LRP1B: variants seen among roughly 807,000 people sequenced by gnomAD.
LRP1B encodes low-density lipoprotein receptor-related protein 1B.
In LRP1B, 217 loss-of-function variants were observed where a neutral mutation model predicts 556.6. The observed-to-expected ratio is 0.39, with a 90% CI of 0.35 to 0.44. The LOEUF (loss-of-function observed/expected upper bound fraction) is 0.44, where lower values mean the gene tolerates loss of function less well. Ranked by LOEUF, LRP1B falls within the 20% of genes least tolerant of loss-of-function variation. LRP1B has a pLI of 1.00. For missense variants in LRP1B, 5,053 were observed against 5,620.8 expected (o/e 0.90, Z 3.23); for synonymous variants, 2,047 against 1,865.8 (o/e 1.10, Z -2.50).
chr2:141,131,407 TTATATATATA>T (rs67661603), intron 7 of LRP1B, among the ~76,000 whole-genome samples: 3 of 110,696 alleles, frequency 2.7e-5, no homozygotes, highest in African/African-American at 1.2e-4. Flanking sequence ...ATGCATAAAG[TTATATATATA>T]TATATATATA....
chr2:141,564,942 T>A (rs1303496794), intron 2 of LRP1B, among the ~76,000 whole-genome samples: 2 of 152,020 alleles, frequency 1.3e-5, no homozygotes, highest in Non-Finnish European at 2.9e-5. Flanking sequence ...ACATTAATAA[T>A]GAATAAAAGA....
intron 51 of LRP1B, among the ~76,000 whole-genome samples, chr2:140,510,605 G>T: frequency 6.6e-6 from 1 of 152,092 alleles, no homozygotes; most frequent in East Asian, 1.9e-4. Flanking sequence ...GAGTCCTCTG[G>T]ATCCTAAGCA....
intron 41 of LRP1B, chr2:140,683,712 G>C: frequency 1.4e-6 from 1 of 739,494 alleles, no homozygotes; most frequent in Non-Finnish European, 2.4e-6. Flanking sequence ...TGTCATTAGA[G>C]ACACTCTGTG....
chr2:140,514,919 A>C (rs1689825294), intron 50 of LRP1B, 147 bp from the exon 51 acceptor site: 1 of 807,510 alleles, frequency 1.2e-6, no homozygotes, highest in African/African-American at 1.7e-5. Flanking sequence ...TGACAATTCT[A>C]TAAAATTTTG....
rs547338929 is a variant in LRP1B at position 141,570,837 on chromosome 2, T to G, written c.206-90304A>C. Among the ~76,000 whole-genome samples, 5 of 151,222 alleles carry G rather than the reference T, an allele frequency of 3.3e-5. No homozygotes were observed. In the East Asian group the frequency reaches 9.8e-4, roughly 29 times the overall value. On this transcript the variant is annotated intron_variant, in intron 2 of 90. Coordinates refer to ENST00000389484, the MANE Select transcript of LRP1B (RefSeq NM_018557.3). ...CTGACCCGGACCCATCCTTCCTCAC[T>G]GGGCGGGGCTTCTCTGCAGGAACTC...
At chr2:141,622,124 C>T (rs1489776936) in intron 2 of LRP1B, among the ~76,000 whole-genome samples, 1 of 152,130 alleles carries the variant, frequency 6.6e-6, no homozygotes, top group Non-Finnish European at 1.5e-5. Context: ...CTCCCGACCG[C>T]AGGTGATCTG....
chr2:140,644,683 G>T (rs1004685624), intron 41 of LRP1B, among the ~76,000 whole-genome samples: 8 of 152,034 alleles, frequency 5.3e-5, no homozygotes, highest in Admixed American at 1.3e-4. Flanking sequence ...AAAAAGCTGG[G>T]ATTACAGGTA....
chr2:140,983,699 C>T (rs1444112477), intron 17 of LRP1B, among the ~76,000 whole-genome samples: 1 of 151,994 alleles, frequency 6.6e-6, no homozygotes, highest in Non-Finnish European at 1.5e-5. Flanking sequence ...TGGTTTGATA[C>T]ATTAGATTGT....
chr2:141,914,649 G>A (rs1699985078), intron 1 of LRP1B, among the ~76,000 whole-genome samples: 1 of 152,158 alleles, frequency 6.6e-6, no homozygotes, highest in African/African-American at 2.4e-5. Context: ...AATGACTTCA[G>A]TAAAGTTTCA....
chr2:140,333,929 AG>A (rs1434610368), intron 79 of LRP1B, among the ~76,000 whole-genome samples: 9 of 151,844 alleles, frequency 5.9e-5, no homozygotes, highest in African/African-American at 2.2e-4. Flanking sequence ...GCTTTGGAGT[AG>A]TAGCTTAGAT....
chr2:141,714,159 A>G (rs1692478950), intron 2 of LRP1B, among the ~76,000 whole-genome samples: 1 of 152,186 alleles, frequency 6.6e-6, no homozygotes, highest in South Asian at 2.1e-4. Flanking sequence ...GTAGACTGAA[A>G]GCAGCTCACT....
At chr2:140,290,728 A>G (rs1683337705) in intron 84 of LRP1B, among the ~76,000 whole-genome samples, 2 of 152,098 alleles carry the variant, frequency 1.3e-5, no homozygotes, top group Admixed American at 6.6e-5. Flanking sequence ...AGTTCCTATT[A>G]GTGCCTCTTT....
intron 79 of LRP1B, among the ~76,000 whole-genome samples, chr2:140,333,792 G>T (rs992054144): frequency 6.6e-6 from 1 of 151,990 alleles, no homozygotes; most frequent in Non-Finnish European, 1.5e-5. Flanking sequence ...AGATGGGAAA[G>T]ATATAACTAG....
In LRP1B at chr2:140,710,742, T is replaced by C. The variant is rs555361402; in HGVS notation, c.6023+5231A>G. Among the ~76,000 whole-genome samples the C allele has an allele frequency of 3.9e-5, 6 of 152,044 alleles. No individual in the cohort carries two copies. The East Asian group carries it at 1.2e-3, about 29-fold the overall frequency. On this transcript the variant is annotated intron_variant, in intron 37 of 90. Coordinates refer to ENST00000389484, the MANE Select transcript of LRP1B (RefSeq NM_018557.3). The stretch of plus-strand genomic sequence containing the variant: ...TGGATGGACTATCAGTGGAGAAAAC[T>C]GTCCTGGAGAAGGCAAATGGTATAA...
At chr2:140,266,353 T>G (rs1682204014) in intron 86 of LRP1B, among the ~76,000 whole-genome samples, 1 of 152,120 alleles carries the variant, frequency 6.6e-6, no homozygotes, top group Non-Finnish European at 1.5e-5. Context: ...ATTGGCACTC[T>G]ACTCCTTTGA....
At chr2:140,850,690 G>T in intron 28 of LRP1B, among the ~76,000 whole-genome samples, 1 of 152,114 alleles carries the variant, frequency 6.6e-6, no homozygotes. Flanking sequence ...TGCATTACAA[G>T]ATTTTGAGGG....
chr2:141,997,469 A>G (rs1323966694), intron 1 of LRP1B, among the ~76,000 whole-genome samples: 1 of 139,432 alleles, frequency 7.2e-6, no homozygotes, highest in South Asian at 2.4e-4. Flanking sequence ...ACACACACAC[A>G]CTGTAGAACA....
chr2:141,021,103 G>C (rs887530643), intron 11 of LRP1B, among the ~76,000 whole-genome samples: 4 of 152,016 alleles, frequency 2.6e-5, no homozygotes, highest in Admixed American at 6.6e-5. Context: ...TTTTTGGCAT[G>C]AGTTACAGAA....
chr2:140,375,100 AC>A (rs1683165096), intron 68 of LRP1B, among the ~76,000 whole-genome samples: 1 of 151,402 alleles, frequency 6.6e-6, no homozygotes, highest in South Asian at 2.1e-4. Flanking sequence ...TACCTTTGCA[AC>A]CTCCAAAGTG....
Sources: allele counts gnomAD v4.1 joint callset (sites outside exome capture counted in the v4.1 genomes callset), GRCh38; gene constraint gnomAD v4.1.1; transcripts MANE v1.5; gene names NCBI Gene and HGNC (gene_info 2026-07-23, HGNC 2026-07-21).